The following SH3D19 variants were observed in gnomAD, a reference collection of about 807,000 sequenced individuals.
SH3D19 encodes SH3 domain-containing protein 19.
In SH3D19, 58 loss-of-function variants were observed where a neutral mutation model predicts 112.1. That is an observed-to-expected ratio of 0.52 (90% CI 0.42 to 0.64). The LOEUF is 0.64. Ranked by LOEUF, SH3D19 falls within the 30% of genes least tolerant of loss-of-function variation. The pLI is 0.00. For missense variants in SH3D19, 1,090 were observed against 1,263.4 expected, an observed-to-expected ratio of 0.86 and a Z score of 2.08; for synonymous variants, 391 against 448.5, an observed-to-expected ratio of 0.87 and a Z score of 1.62.
rs185419512 is a variant in SH3D19 at position 151,246,212 on chromosome 4, C to T, written c.113-20126G>A. Among the ~76,000 whole-genome samples the T allele has an allele frequency of 1.2e-3, 182 of 152,234 alleles. 1 individual carries two copies. The highest frequency in any genetic ancestry group is 3.4e-3 in the Middle Eastern group (1 of 294). On this transcript the variant is annotated intron_variant, in intron 1 of 19. Transcript: ENST00000604030. The stretch of plus-strand genomic sequence containing the variant: ...TGAATCTGAAAAGGAAAACCTAATT[C>T]CTGGTATATATATAGATGGGTACTG...
chr4:151,144,043 T>C lies in SH3D19; in HGVS notation c.2090A>G (p.Asp697Gly), dbSNP rs1306262639. 6.2e-7 allele frequency: 1 copy of C among 1,613,526 alleles called. No homozygotes were observed. Among genetic ancestry groups the C allele is most frequent in the South Asian group, 1.1e-5 (1 of 90,958 alleles). ...CGTCTGCTTCAGCATCACAAGTACA[T>C]CCCCACGCTGCAAGGTACAATACCA... ...HPLYSKYMRG[D>G]VLVMLKQTEN... Residue 697 changes from aspartate (D) to glycine (G), a missense_variant, in exon 12 of 20, where the codon GAT (aspartate) becomes GGT (glycine). Coordinates refer to ENST00000604030, the MANE Select transcript of SH3D19 (RefSeq NM_001378122.1).
chr4:151,214,836 G>C (rs1240369439), intron 2 of SH3D19, among the ~76,000 whole-genome samples: 2 of 146,248 alleles, frequency 1.4e-5, no homozygotes, highest in Non-Finnish European at 3.1e-5. Flanking sequence ...CTCCTGGACA[G>C]GGCGGCTGCC....
chr4:151,223,474 T>C (rs1291725216), intron 2 of SH3D19, among the ~76,000 whole-genome samples: 2 of 152,218 alleles, frequency 1.3e-5, no homozygotes, highest in East Asian at 1.9e-4. Flanking sequence ...CCTAGCTTTC[T>C]ATCACAACTA....
chr4:151,201,138 T>A (rs12511209), intron 2 of SH3D19, among the ~76,000 whole-genome samples: 13,808 of 152,278 alleles, frequency 0.091, 903 homozygotes, highest in East Asian at 0.19. Context: ...ATTCACTGGT[T>A]CATGTCAAAT....
chr4:151,238,686 A>T (rs1320006), intron 1 of SH3D19, among the ~76,000 whole-genome samples: 139,528 of 151,622 alleles, frequency 0.92, 64,408 homozygotes, highest in Non-Finnish European at 0.96. Context: ...CCGATCTGTG[A>T]CTTCTAACTG....
chr4:151,190,524 C>T (rs1233600634), intron 2 of SH3D19, among the ~76,000 whole-genome samples: 1 of 152,190 alleles, frequency 6.6e-6, no homozygotes, highest in Non-Finnish European at 1.5e-5. Flanking sequence ...TGGTGCCCTG[C>T]CTCCCAGCCA....
intron 1 of SH3D19, among the ~76,000 whole-genome samples, chr4:151,286,660 G>C (rs886490321): frequency 2.0e-5 from 3 of 150,292 alleles, no homozygotes; most frequent in Non-Finnish European, 3.0e-5. Context: ...ATTCATTGAT[G>C]AATTCTACCA....
intron 9 of SH3D19, among the ~76,000 whole-genome samples, chr4:151,154,387 G>A (rs1755679551): frequency 6.6e-6 from 1 of 150,590 alleles, no homozygotes; most frequent in Non-Finnish European, 1.5e-5. Context: ...GCCCGCCTTG[G>A]CCTCCCAAAG....
At chr4:151,293,336 G>GCA (rs1775483898) in intron 1 of SH3D19, among the ~76,000 whole-genome samples, 2 of 152,016 alleles carry the variant, frequency 1.3e-5, no homozygotes, top group South Asian at 4.2e-4. Flanking sequence ...AGCCGGGCAT[G>GCA]GTGGCGGGCA....
intron 2 of SH3D19, among the ~76,000 whole-genome samples, chr4:151,190,519 C>A (rs957669754): frequency 1.4e-4 from 21 of 152,280 alleles, no homozygotes; most frequent in African/African-American, 5.1e-4. Flanking sequence ...GGACTTGGTG[C>A]CCTGCCTCCC....
intron 2 of SH3D19, among the ~76,000 whole-genome samples, chr4:151,203,728 C>T (rs1267125001): frequency 2.6e-5 from 4 of 152,060 alleles, no homozygotes; most frequent in African/African-American, 7.2e-5. Flanking sequence ...ACTTGTATTC[C>T]CTTCTAATTC....
chr4:151,224,680 C>T (rs187006304), intron 2 of SH3D19, among the ~76,000 whole-genome samples: 1 of 152,262 alleles, frequency 6.6e-6, no homozygotes, highest in African/African-American at 2.4e-5. Context: ...GTTAAGCATG[C>T]TGTCAAAGTC....
chr4:151,282,512 C>T (rs6849871), intron 1 of SH3D19: 6 of 1,274,504 alleles, frequency 4.7e-6, no homozygotes, highest in Middle Eastern at 2.1e-4. Context: ...AAATATTTTT[C>T]AACAAAACCA....
intron 2 of SH3D19, among the ~76,000 whole-genome samples, chr4:151,206,519 A>G (rs1765135500): frequency 6.6e-6 from 1 of 152,184 alleles, no homozygotes; most frequent in African/African-American, 2.4e-5. Context: ...TTTTCTCAAT[A>G]TATTCATGGC....
chr4:151,301,333 T>C (rs1728399425), intron 1 of SH3D19, among the ~76,000 whole-genome samples: 1 of 152,262 alleles, frequency 6.6e-6, no homozygotes, highest in Admixed American at 6.5e-5. Context: ...GTTCAAGCAA[T>C]TCTCCTGCCT....
rs532668666 is a variant in SH3D19 at position 151,165,828 on chromosome 4, T to C, written c.1535-132A>G. On this transcript the variant is annotated intron_variant, in intron 7 of 19. Transcript: ENST00000604030. ...ATTCATGGATAAACAAAATCTCAGT[T>C]TGCAGAGACAAAAACAAAGTTGGAG... is the stretch of plus-strand genomic sequence containing the variant. 290 of 703,482 alleles carry C rather than the reference T, an allele frequency of 4.1e-4. No individual in the cohort carries two copies. The highest frequency in any genetic ancestry group is 2.7e-3 in the Middle Eastern group (7 of 2,590). 43.6% of individuals were successfully genotyped at this position (703,482 alleles called of 1,614,324 possible). A position where few individuals can be genotyped will look rare whatever the true frequency, so the allele number is the denominator to read the frequency against.
At position 151,120,848 on chromosome 4, in the gene SH3D19, A is replaced by C. The variant is rs962970569; in HGVS notation, c.*1243T>G. On this transcript the variant is annotated 3_prime_UTR_variant, in exon 20 of 20. Coordinates refer to ENST00000604030, the MANE Select transcript of SH3D19 (RefSeq NM_001378122.1). ...GAAGAAAGTCATGACCATTGTTGGG[A>C]AAGTGTTTTACATTTCCAATGAAAT... The C allele has an allele frequency of 6.6e-6, 1 of 152,584 alleles. No individual in the cohort carries two copies. Among genetic ancestry groups the C allele is most frequent in the Non-Finnish European group, 1.5e-5 (1 of 68,026 alleles). The allele number at this position is 152,584 out of a possible 1,614,324, so 9.5% of individuals were successfully genotyped here.
chr4:151,150,054 G>A lies in SH3D19; in HGVS notation c.1756-493C>T, dbSNP rs544805738. Among the ~76,000 whole-genome samples, 14 of 150,204 alleles carry A rather than the reference G, an allele frequency of 9.3e-5. No individual in the cohort carries two copies. In the South Asian group the frequency reaches 1.5e-3, roughly 16 times the overall value. On this transcript the variant is annotated intron_variant, in intron 9 of 19. Coordinates refer to ENST00000604030, the MANE Select transcript of SH3D19 (RefSeq NM_001378122.1). ...CAAAAAATTAGCTGGGCATGGTGGC[G>A]GACACCTGTAGTTCCAGCTACTTGG...
intron 2 of SH3D19, among the ~76,000 whole-genome samples, chr4:151,198,350 A>AT (rs1763836197): frequency 7.2e-5 from 10 of 139,466 alleles, no homozygotes; most frequent in Non-Finnish European, 1.2e-4. Context: ...TATATTATAT[A>AT]AAATATAAAA....
Sources: gnomAD v4.1 joint callset for allele counts (sites outside exome capture counted in the v4.1 genomes callset) on GRCh38, gnomAD v4.1.1 for gene constraint, MANE v1.5 for transcripts, NCBI Gene and HGNC (gene_info 2026-07-23, HGNC 2026-07-21) for gene names.